Variants in PIK3C2G observed in about 807,000 individuals in gnomAD.
PIK3C2G encodes phosphatidylinositol-4-phosphate 3-kinase catalytic subunit type 2 gamma, also known as phosphatidylinositol 3-kinase C2 domain-containing subunit gamma.
A neutral mutation model predicts 181.1 loss-of-function variants in PIK3C2G; 168 were observed. The ratio of observed to expected loss-of-function variants is 0.93; its 90% CI spans 0.82 to 1.05. The LOEUF is 1.05. Ranked by LOEUF, PIK3C2G falls within the 50% of genes least tolerant of loss-of-function variation. The pLI is 0.00. For missense variants in PIK3C2G, 1,869 were observed against 1,732.8 expected, an observed-to-expected ratio of 1.08 and a Z score of -1.40; for synonymous variants, 573 against 592.2, an observed-to-expected ratio of 0.97 and a Z score of 0.47.
intron 1 of PIK3C2G, among the ~76,000 whole-genome samples, chr12:18,281,265 A>T (rs1949203626): frequency 9.0e-6 from 1 of 111,452 alleles, no homozygotes; most frequent in Non-Finnish European, 1.9e-5. Flanking sequence ...AATGCATAAT[A>T]GGCAAAAAAA....
chr12:18,721,886 C>A, the PIK3C2G span, among the ~76,000 whole-genome samples: 2 of 151,892 alleles, frequency 1.3e-5, no homozygotes, highest in Admixed American at 6.6e-5. Flanking sequence ...TATCGAGAAC[C>A]CTTCAAAATC....
chr12:18,684,401 G>A, the PIK3C2G span: 6 of 896,902 alleles, frequency 6.7e-6, no homozygotes, highest in Non-Finnish European at 1.0e-5. Flanking sequence ...TGTGTTTAGA[G>A]CACATAGGTT....
At chr12:18,312,038 C>T (rs151028777) in intron 5 of PIK3C2G, among the ~76,000 whole-genome samples, 4 of 152,272 alleles carry the variant, frequency 2.6e-5, no homozygotes, top group Non-Finnish European at 5.9e-5. Context: ...AGTCCTTCCA[C>T]GTTTCTCTGC....
intron 29 of PIK3C2G, among the ~76,000 whole-genome samples, chr12:18,579,872 T>C (rs978689965): frequency 4.6e-5 from 7 of 152,140 alleles, no homozygotes; most frequent in Non-Finnish European, 8.8e-5. Flanking sequence ...TGGTGGCTTA[T>C]GCCTGTAATC....
At chr12:18,602,425 C>G (rs1281318596) in intron 30 of PIK3C2G, among the ~76,000 whole-genome samples, 1 of 151,618 alleles carries the variant, frequency 6.6e-6, no homozygotes, top group Non-Finnish European at 1.5e-5. Context: ...CCACCCCCAC[C>G]TGATGGTCCC....
intron 1 of PIK3C2G, among the ~76,000 whole-genome samples, chr12:18,264,098 A>C (rs1291180309): frequency 6.6e-6 from 1 of 152,148 alleles, no homozygotes; most frequent in Non-Finnish European, 1.5e-5. Flanking sequence ...TACCGGTAGA[A>C]AATATACCCT....
chr12:18,549,014 C>T (rs979013620), intron 26 of PIK3C2G, among the ~76,000 whole-genome samples: 1 of 151,986 alleles, frequency 6.6e-6, no homozygotes, highest in Non-Finnish European at 1.5e-5. Flanking sequence ...AGAAACACTC[C>T]AATGGAATCA....
intron 16 of PIK3C2G, 52 bp from the exon 17 acceptor site, chr12:18,420,889 T>C: frequency 3.3e-6 from 3 of 910,862 alleles, no homozygotes; most frequent in Non-Finnish European, 5.5e-6. Flanking sequence ...ACATGTCTTA[T>C]GCATTATTCC....
At position 18,445,045 on chromosome 12, in the gene PIK3C2G, C is replaced by A. The variant is rs572403596; in HGVS notation, c.2504+21006C>A. On this transcript the variant is annotated intron_variant, in intron 18 of 32. Coordinates refer to ENST00000538779, the MANE Select transcript of PIK3C2G (RefSeq NM_001288772.2). ...AATTTTAAATCAGTGGAGGAAAGAT[C>A]GATTATTTAATGAATGGTGTTTGGA... Among the ~76,000 whole-genome samples, 237 of 151,736 alleles carry A rather than the reference C, an allele frequency of 1.6e-3. 1 individual carries two copies. The highest frequency in any genetic ancestry group is 5.5e-3 in the African/African-American group (228 of 41,396).
chr12:18,713,270 G>A, the PIK3C2G span, among the ~76,000 whole-genome samples: 1 of 152,074 alleles, frequency 6.6e-6, no homozygotes, highest in East Asian at 1.9e-4. Context: ...AGTAAGCAAT[G>A]AGGATACCTG....
At chr12:18,251,196 C>T (rs1948092384) in intron 1 of PIK3C2G, among the ~76,000 whole-genome samples, 1 of 151,848 alleles carries the variant, frequency 6.6e-6, no homozygotes, top group Admixed American at 6.6e-5. Context: ...GTGATGTTGC[C>T]TGAGATTGTG....
rs74068107 is a variant in PIK3C2G at position 18,632,753 on chromosome 12, C to A, written c.4183-7676C>A. Among the ~76,000 whole-genome samples, 694 of 152,230 alleles carry A rather than the reference C, an allele frequency of 4.6e-3. 4 individuals carry two copies. Among genetic ancestry groups the A allele is most frequent in the African/African-American group, 0.016 (656 of 41,534 alleles). The stretch of plus-strand genomic sequence containing the variant: ...GAAACAGGAAGGAAGAATAAATTAT[C>A]TTTTTCTCACTTTTTTATTCTATTC... On this transcript the variant is annotated intron_variant, in intron 31 of 32. Transcript: ENST00000538779.
At chr12:18,613,347 G>A (rs923955920) in intron 31 of PIK3C2G, among the ~76,000 whole-genome samples, 4 of 152,004 alleles carry the variant, frequency 2.6e-5, no homozygotes, top group African/African-American at 9.7e-5. Flanking sequence ...TGTCAGGAAA[G>A]ATAGAAGACA....
In PIK3C2G at chr12:18,381,788, C is replaced by A; in HGVS notation, c.1903C>A (p.Leu635Met). ...PKEKSILGSM[L>M]FSMTLQSEPP... ...CAGAAAATCCATTCTCGGGTCTATG[C>A]TGTTCAGCATGACATTACAGAGTGA... The change falls in exon 14 of 33, where the codon CTG becomes ATG. Residue 635 changes from leucine (L) to methionine (M), a missense_variant. Leu to Met is a conservative substitution (Grantham distance 15). Coordinates refer to ENST00000538779, the MANE Select transcript of PIK3C2G (RefSeq NM_001288772.2). The A allele has an allele frequency of 1.9e-6, 3 of 1,611,964 alleles. No homozygotes were observed. Among genetic ancestry groups the A allele is most frequent in the Non-Finnish European group, 2.5e-6 (3 of 1,178,136 alleles).
chr12:18,705,443 C>T, the PIK3C2G span: 8 of 1,106,066 alleles, frequency 7.2e-6, no homozygotes, highest in Non-Finnish European at 7.9e-6. Context: ...AATAACTATT[C>T]TTTAAACTGA....
At chr12:18,711,976 A>G in the PIK3C2G span, among the ~76,000 whole-genome samples, 3 of 152,146 alleles carry the variant, frequency 2.0e-5, no homozygotes, top group African/African-American at 7.2e-5. Flanking sequence ...TTTAATATAT[A>G]GTAGATAAAT....
rs1021547961 is a variant in PIK3C2G, at chr12:18,571,287, T to C, written c.4011+4230T>C. On this transcript the variant is annotated intron_variant, in intron 29 of 32. Transcript: ENST00000538779. ...TTTCAATTTTTTCTAAATTTTGCAA[T>C]GTTTTATGATCCTAAATATGGGCAA... Among the ~76,000 whole-genome samples, 9 of 150,878 alleles carry C rather than the reference T, an allele frequency of 6.0e-5. 1 individual carries two copies. Among genetic ancestry groups the C allele is most frequent in the African/African-American group, 2.2e-4 (9 of 40,420 alleles).
rs879418544 is a variant in PIK3C2G, at chr12:18,284,210, C to T, written c.678+1451C>T. On this transcript the variant is annotated intron_variant, in intron 2 of 32. Transcript: ENST00000538779. ...TAATTACACAGACTTGAAGTTACAA[C>T]GCAGAAATTTGGGCCAAATTAGAGA... is the stretch of plus-strand genomic sequence containing the variant. 3.3e-5 allele frequency among the ~76,000 whole-genome samples: 5 copies of T among 152,148 alleles called. No homozygotes were observed. The East Asian group carries it at 5.8e-4, about 18-fold the overall frequency.
intron 31 of PIK3C2G, among the ~76,000 whole-genome samples, chr12:18,622,093 A>T (rs895654175): frequency 6.6e-6 from 1 of 151,900 alleles, no homozygotes; most frequent in Non-Finnish European, 1.5e-5. Context: ...TCTTAGTGAT[A>T]CTGAAATGTA....
Sources: allele counts gnomAD v4.1 joint callset (sites outside exome capture counted in the v4.1 genomes callset), GRCh38; gene constraint gnomAD v4.1.1; transcripts MANE v1.5; gene names NCBI Gene and HGNC (gene_info 2026-07-23, HGNC 2026-07-21).